Variants in PALB2 observed in about 807,000 individuals in gnomAD.
The protein encoded by PALB2 is mutant partner and localizer of BRCA2.
In PALB2, 82 loss-of-function variants were observed where a neutral mutation model predicts 107.4. The ratio of observed to expected loss-of-function variants is 0.76; its 90% CI spans 0.64 to 0.92. The LOEUF is 0.92. Among genes scored for constraint, PALB2 ranks in the 40% least tolerant of loss-of-function variants. The probability of loss-of-function intolerance (pLI) is 0.00; values close to 1 mark genes in which losing one functional copy is unlikely to be tolerated. For missense variants in PALB2, 1,374 were observed against 1,379.9 expected (o/e 1.00, Z 0.07); for synonymous variants, 489 against 496.8 (o/e 0.98, Z 0.21).
chr16:23,611,931 G>C (rs1261069397), intron 11 of PALB2, among the ~76,000 whole-genome samples: 1 of 152,178 alleles, frequency 6.6e-6, no homozygotes, highest in Non-Finnish European at 1.5e-5. Context: ...ATTTAAAGGA[G>C]GACAAAGGTT....
Position 23,630,018 on chromosome 16 carries a change from C to G in PALB2, c.2136G>C (p.Ala712=), listed in dbSNP as rs905951607. Residue 712 remains alanine, a synonymous_variant, in exon 5 of 13, where the codon GCG becomes GCC. Transcript: ENST00000261584. ...ILLYTPLNTV[A]PDDNDRPTTD... is the part of the protein sequence containing the mutation. The stretch of plus-strand genomic sequence containing the variant: ...TGGTAGGCCTGTCATTATCATCAGG[C>G]GCAACCGTATTTAAAGGAGTATAAA... The G allele has an allele frequency of 1.2e-6, 2 of 1,613,938 alleles. No individual in the cohort carries two copies. Among genetic ancestry groups the G allele is most frequent in the African/African-American group, 2.7e-5 (2 of 74,896 alleles).
chr16:23,625,119 G>GGTCA (rs1966839502), intron 7 of PALB2, among the ~76,000 whole-genome samples: 1 of 152,104 alleles, frequency 6.6e-6, no homozygotes, highest in Non-Finnish European at 1.5e-5. Flanking sequence ...GATCACTTGA[G>GGTCA]GTCAGGAGTT....
intron 7 of PALB2, 114 bp downstream of exon 7, chr16:23,626,122 C>A: frequency 8.1e-7 from 1 of 1,229,740 alleles, no homozygotes; most frequent in African/African-American, 1.5e-5. Context: ...GGGAAAAAAA[C>A]CTCATCTCTG....
At chr16:23,628,267 T>C (rs1342700130) in intron 6 of PALB2, among the ~76,000 whole-genome samples, 1 of 152,156 alleles carries the variant, frequency 6.6e-6, no homozygotes, top group Non-Finnish European at 1.5e-5. Flanking sequence ...GACTCAAGAA[T>C]AAATTCCGAA....
At chr16:23,619,120 T>C (rs1367597747) in intron 10 of PALB2, among the ~76,000 whole-genome samples, 1 of 152,192 alleles carries the variant, frequency 6.6e-6, no homozygotes, top group Non-Finnish European at 1.5e-5. Flanking sequence ...GTCACACTAA[T>C]ATAACTTCCT....
chr16:23,623,153 T>C (rs1366127535), intron 8 of PALB2, 23 bp from the exon 9 acceptor site: 4 of 1,604,492 alleles, frequency 2.5e-6, no homozygotes, highest in Admixed American at 1.7e-5. Flanking sequence ...TAAGGAAAAA[T>C]GGGGTGATGT....
At chr16:23,615,014 T>C (rs1330786090) in intron 10 of PALB2, among the ~76,000 whole-genome samples, 4 of 147,244 alleles carry the variant, frequency 2.7e-5, no homozygotes, top group African/African-American at 7.5e-5. Context: ...AGTGGTGCCA[T>C]CTTGGCTCAC....
At chr16:23,630,643 G>A (rs938303769) in intron 4 of PALB2, among the ~76,000 whole-genome samples, 174 bp from the exon 5 acceptor site, 1 of 152,120 alleles carries the variant, frequency 6.6e-6, no homozygotes, top group African/African-American at 2.4e-5. Flanking sequence ...AAAGAAACAT[G>A]TTAAACCATT....
At chr16:23,633,966 C>A (rs1966919965) in intron 4 of PALB2, among the ~76,000 whole-genome samples, 1 of 152,134 alleles carries the variant, frequency 6.6e-6, no homozygotes, top group Non-Finnish European at 1.5e-5. Flanking sequence ...ACCTTGGCCT[C>A]CCGAAGTGCT....
chr16:23,622,592 T>C (rs76321192), intron 9 of PALB2, among the ~76,000 whole-genome samples: 5,055 of 152,194 alleles, frequency 0.033, 117 homozygotes, highest in Middle Eastern at 0.088. Context: ...GATGGGGCCC[T>C]GCTATGTGGC....
chr16:23,615,307 A>G (rs892024480), intron 10 of PALB2, among the ~76,000 whole-genome samples: 1 of 151,462 alleles, frequency 6.6e-6, no homozygotes, highest in African/African-American at 2.4e-5. Flanking sequence ...ATGATACTCT[A>G]TTTTTTTGTT....
chr16:23,615,293 T>A (rs562001138), intron 10 of PALB2, among the ~76,000 whole-genome samples: 42 of 151,910 alleles, frequency 2.8e-4, no homozygotes, highest in African/African-American at 9.7e-4. Flanking sequence ...ATAACTGCTT[T>A]GTCATGATAC....
At position 23,623,994 on chromosome 16, in the gene PALB2, T is replaced by C. The variant is rs149791114; in HGVS notation, c.2834+15A>G. 112 of 1,544,054 alleles carry C rather than the reference T, an allele frequency of 7.3e-5. No individual in the cohort carries two copies. The African/African-American group carries it at 1.3e-3, about 18-fold the overall frequency. ...AGATGAAGGAAAAACAAATCACTCC[T>C]TGGGAATTACATACCTGATCTCTCT... On this transcript the variant is annotated intron_variant, in intron 8 of 12. Transcript: ENST00000261584.
At chr16:23,628,923 C>T (rs955610301) in intron 6 of PALB2, among the ~76,000 whole-genome samples, 2 of 152,144 alleles carry the variant, frequency 1.3e-5, no homozygotes, top group Admixed American at 6.6e-5. Context: ...GGTGAGCCAC[C>T]GTGCCCAGCT....
chr16:23,640,997 G>A, intron 1 of PALB2, 113 bp downstream of exon 1: 1 of 1,177,120 alleles, frequency 8.5e-7, no homozygotes, highest in Non-Finnish European at 1.2e-6. Context: ...TAAGAGGAGG[G>A]GGTGGTCAGA....
chr16:23,620,984 G>C (rs993200162), intron 10 of PALB2, among the ~76,000 whole-genome samples: 1 of 151,970 alleles, frequency 6.6e-6, no homozygotes. Context: ...TGAGGCAGGT[G>C]GATCACTTGA....
At chr16:23,608,164 C>T in intron 11 of PALB2, 152 bp from the exon 12 acceptor site, 5 of 831,734 alleles carry the variant, frequency 6.0e-6, no homozygotes, top group Non-Finnish European at 9.7e-6. Flanking sequence ...GATTTTTTTC[C>T]CTGCCGTCTA....
At chr16:23,607,843 G>A (rs377546218) in intron 12 of PALB2, 21 bp downstream of exon 12, 6 of 1,613,238 alleles carry the variant, frequency 3.7e-6, no homozygotes, top group African/African-American at 1.3e-5. Flanking sequence ...CACCCATAGA[G>A]TAGCAGTTAT....
intron 11 of PALB2, 122 bp downstream of exon 11, chr16:23,613,882 C>A (rs2142297565): frequency 1.4e-6 from 1 of 725,538 alleles, no homozygotes; most frequent in Non-Finnish European, 2.5e-6. Flanking sequence ...ACAAACATTG[C>A]TATCCAATTT....
Sources: gnomAD v4.1 joint callset for allele counts (sites outside exome capture counted in the v4.1 genomes callset) on GRCh38, gnomAD v4.1.1 for gene constraint, MANE v1.5 for transcripts, NCBI Gene and HGNC (gene_info 2026-07-23, HGNC 2026-07-21) for gene names.